PKN3: variants seen among roughly 807,000 people sequenced by gnomAD.
PKN3 encodes the protein serine/threonine-protein kinase N3.
A neutral mutation model predicts 113.1 loss-of-function variants in PKN3; 91 were observed. The observed-to-expected ratio is 0.80, with a 90% CI of 0.68 to 0.96. The LOEUF (loss-of-function observed/expected upper bound fraction) is 0.96, where lower values mean the gene tolerates loss of function less well. Ranked by LOEUF, PKN3 falls within the 40% of genes least tolerant of loss-of-function variation. The pLI is 0.00. For missense variants in PKN3, 1,052 were observed against 1,202.2 expected (o/e 0.88, Z 1.85); for synonymous variants, 467 against 499.0 (o/e 0.94, Z 0.85).
rs547886637 is a variant in PKN3 at position 128,707,838 on chromosome 9, T to C, written c.835+433T>C. Among the ~76,000 whole-genome samples, 4 of 152,206 alleles carry C rather than the reference T, an allele frequency of 2.6e-5. No individual in the cohort carries two copies. In the East Asian group the frequency reaches 7.7e-4, roughly 29 times the overall value. On this transcript the variant is annotated intron_variant, in intron 6 of 21. Transcript: ENST00000291906. ...TGGTAATTCCAGCACTTTGGGAGGC[T>C]GAGGTGGGTGGATCATGAGGTCAGG...
At position 128,714,581 on chromosome 9, in the gene PKN3, ACC is replaced by A; in HGVS notation, c.1505_1506del (p.Pro502LeufsTer3). ...CTACAGTAATTTCCTGCCCAAGAAG[ACC>A]CCCTTGGGTGAAGAGATGACACCCC... Reference protein sequence around the residue: ...ATPSNFLPKKTPLGEEMTPPP... With the variant: ...ATPSNFLPKKXPLGEEMTPPP... On this transcript the variant is annotated frameshift_variant, in exon 12 of 22. Transcript: ENST00000291906. LOFTEE classifies it high-confidence loss of function. 8.0e-7 allele frequency: 1 copy of A among 1,252,816 alleles called. No individual in the cohort carries two copies. Among genetic ancestry groups the A allele is most frequent in the Non-Finnish European group, 1.2e-6 (1 of 850,482 alleles). 77.6% of individuals were successfully genotyped at this position (1,252,816 alleles called of 1,614,324 possible).
chr9:128,704,485 G>C (rs1861949480), intron 1 of PKN3, among the ~76,000 whole-genome samples: 1 of 152,134 alleles, frequency 6.6e-6, no homozygotes, highest in Non-Finnish European at 1.5e-5. Flanking sequence ...CTCTACTTTG[G>C]GTCCCAGATG....
chr9:128,712,293 A>G (rs1862204107), intron 6 of PKN3, among the ~76,000 whole-genome samples: 1 of 152,182 alleles, frequency 6.6e-6, no homozygotes, highest in Non-Finnish European at 1.5e-5. Flanking sequence ...CCCCAGGCCC[A>G]GACTCTCCCT....
intron 6 of PKN3, among the ~76,000 whole-genome samples, chr9:128,711,113 C>T (rs1242924401): frequency 2.6e-5 from 4 of 151,986 alleles, no homozygotes; most frequent in Admixed American, 2.0e-4. Context: ...TCAAGCAATT[C>T]TCCTGCCTCA....
intron 15 of PKN3, among the ~76,000 whole-genome samples, chr9:128,716,314 AAG>A (rs1862336706): frequency 6.7e-6 from 1 of 148,926 alleles, no homozygotes; most frequent in Non-Finnish European, 1.5e-5. Context: ...AAAAAAAAAA[AAG>A]GCTGGGCGCA....
chr9:128,708,426 A>C (rs563850138), intron 6 of PKN3, among the ~76,000 whole-genome samples: 1 of 152,050 alleles, frequency 6.6e-6, no homozygotes, highest in African/African-American at 2.4e-5. Flanking sequence ...TAATAAAATT[A>C]AACTAAAATT....
Position 128,709,290 on chromosome 9 carries a change from AAAT to A in PKN3, c.835+1888_835+1890del, listed in dbSNP as rs1306882662. ...CACAGCGAGACTCTGTCTCAAAAAA[AAAT>A]AAAAAAATAAAAAAATTAGCCAGGT... is the stretch of plus-strand genomic sequence containing the variant. On this transcript the variant is annotated intron_variant, in intron 6 of 21. Coordinates refer to ENST00000291906, the MANE Select transcript of PKN3 (RefSeq NM_013355.5). Among the ~76,000 whole-genome samples the A allele has an allele frequency of 4.0e-5, 2 of 50,158 alleles. 1 individual carries two copies. Among genetic ancestry groups the A allele is most frequent in the Non-Finnish European group, 1.5e-4 (2 of 13,604 alleles). 32.9% of individuals were successfully genotyped at this position (50,158 alleles called of 152,430 possible).
Position 128,705,851 on chromosome 9 carries a change from C to T in PKN3, c.383C>T (p.Thr128Ile). The change falls in exon 3 of 22, where the codon ACC becomes ATC. Residue 128 changes from threonine (T) to isoleucine (I), a missense_variant. Around this residue, in one of 2 missense-constraint regions of PKN3, gnomAD observed 719 missense variants for 759.4 expected, o/e 0.95. Coordinates refer to ENST00000291906, the MANE Select transcript of PKN3 (RefSeq NM_013355.5). ...GTGAAGCAGGGGGCTGAGAACATGA[C>T]CCACACGTGCGCCAGTGGCACCCCC... ...LKVKQGAENMTHTCASGTPKE... is the reference protein window; with the variant it reads ...LKVKQGAENMIHTCASGTPKE... 8.1e-6 allele frequency: 13 copies of T among 1,602,670 alleles called. No individual in the cohort carries two copies. The highest frequency in any genetic ancestry group is 1.1e-5 in the Non-Finnish European group (13 of 1,172,870).
intron 2 of PKN3, 25 bp downstream of exon 2, chr9:128,705,568 C>G (rs1479033608): frequency 1.3e-6 from 2 of 1,551,630 alleles, no homozygotes; most frequent in Non-Finnish European, 1.7e-6. Flanking sequence ...GAGACCCCCT[C>G]AGGACAGAAG....
intron 6 of PKN3, 109 bp from the exon 7 acceptor site, chr9:128,712,943 G>A: frequency 4.1e-6 from 5 of 1,224,914 alleles, no homozygotes; most frequent in Non-Finnish European, 5.7e-6. Context: ...GTACGGTCTG[G>A]GTTCAGCCAC....
intron 6 of PKN3, among the ~76,000 whole-genome samples, chr9:128,708,926 T>C (rs1862099031): frequency 6.6e-6 from 1 of 151,374 alleles, no homozygotes; most frequent in African/African-American, 2.4e-5. Flanking sequence ...GTGAGGCATG[T>C]GGATCACTTG....
Position 128,705,841 on chromosome 9 carries a change from G to C in PKN3, c.373G>C (p.Glu125Gln). ...GGAGCTGAAGGTGAAGCAGGGGGCT[G>C]AGAACATGACCCACACGTGCGCCAG... ...HVELKVKQGA[E>Q]NMTHTCASGT... is the part of the protein sequence containing the mutation. The change falls in exon 3 of 22, where the codon GAG (glutamate) becomes CAG (glutamine). Residue 125 changes from glutamate (E) to glutamine (Q), a missense_variant. By Grantham distance (29) the Glu-to-Gln change is conservative. This residue lies in a region of PKN3 where 719 missense variants were observed against 759.4 expected (regional missense o/e 0.95). Transcript: ENST00000291906. 6.2e-7 allele frequency: 1 copy of C among 1,608,760 alleles called. No individual in the cohort carries two copies. Among genetic ancestry groups the C allele is most frequent in the Non-Finnish European group, 8.5e-7 (1 of 1,177,480 alleles).
At chr9:128,704,188 A>T (rs1402872288) in intron 1 of PKN3, 4 of 976,686 alleles carry the variant, frequency 4.1e-6, no homozygotes, top group Non-Finnish European at 4.9e-6. Flanking sequence ...ACCCGGCCTG[A>T]GGTCACCTTT....
chr9:128,718,479 T>G, intron 17 of PKN3, 70 bp from the exon 18 acceptor site: 1 of 1,584,128 alleles, frequency 6.3e-7, no homozygotes. Flanking sequence ...CCTGGGCTGC[T>G]CCAGGGGCCG....
chr9:128,718,331 C>T lies in PKN3; in HGVS notation c.1992C>T (p.Tyr664=), dbSNP rs774272270. The part of the protein sequence containing the change: ...DVFPEPQARF[Y]VACVVLGLQF... The stretch of plus-strand genomic sequence containing the variant: ...CCCATAACCACCCCTGCAGCTTCTA[C>T]GTGGCTTGTGTTGTCCTGGGGCTGC... Residue 664 remains tyrosine, a synonymous_variant, in exon 17 of 22, where the codon TAC becomes TAT. Coordinates refer to ENST00000291906, the MANE Select transcript of PKN3 (RefSeq NM_013355.5). 12 of 1,587,616 alleles carry T rather than the reference C, an allele frequency of 7.6e-6. No individual in the cohort carries two copies. In the East Asian group the frequency reaches 9.3e-5, roughly 12 times the overall value.
rs769575964 is a variant in PKN3 at position 128,720,450 on chromosome 9, C to T, written c.2514C>T (p.Thr838=). Residue 838 remains threonine, a synonymous_variant, in exon 22 of 22, where the codon ACC becomes ACT. Coordinates refer to ENST00000291906, the MANE Select transcript of PKN3 (RefSeq NM_013355.5). The surrounding 1 kb of genome is among the most constrained non-coding windows in gnomAD (Gnocchi z 5.5). ...ARTIQPPFVP[T]LCGPADLRYF... Reference sequence around the variant, plus strand: ...CCATCCAGCCCCCCTTCGTGCCTACCCTGTGTGGCCCTGCGGACCTGCGCT... The same window carrying T: ...CCATCCAGCCCCCCTTCGTGCCTACTCTGTGTGGCCCTGCGGACCTGCGCT... The T allele has an allele frequency of 1.2e-6, 2 of 1,613,242 alleles. No individual in the cohort carries two copies. Among genetic ancestry groups the T allele is most frequent in the South Asian group, 1.1e-5 (1 of 91,076 alleles).
chr9:128,705,916 C>T (rs762127687), intron 3 of PKN3, 37 bp downstream of exon 3: 5 of 1,532,202 alleles, frequency 3.3e-6, no homozygotes, highest in Middle Eastern at 3.5e-4. Flanking sequence ...AGCACCCTGG[C>T]CCCTGGTCTG....
At chr9:128,707,491 G>C in intron 6 of PKN3, 86 bp downstream of exon 6, 1 of 1,162,606 alleles carries the variant, frequency 8.6e-7, no homozygotes, top group Non-Finnish European at 1.2e-6. Context: ...AAGAGTTCAA[G>C]AGTTCCAGTC....
chr9:128,719,873 G>GGGGC, intron 19 of PKN3, 37 bp from the exon 20 acceptor site: 1 of 1,570,398 alleles, frequency 6.4e-7, no homozygotes, highest in Non-Finnish European at 8.8e-7. Flanking sequence ...TGGGGGTGGG[G>GGGGC]TGGCCCGTGC....
Sources: gnomAD v4.1 joint callset for allele counts (sites outside exome capture counted in the v4.1 genomes callset) on GRCh38, gnomAD v4.1.1 for gene constraint, gnomAD v4.1.1 regional missense constraint, Gnocchi (gnomAD v3.1) non-coding constraint, MANE v1.5 for transcripts, NCBI Gene and HGNC (gene_info 2026-07-23, HGNC 2026-07-21) for gene names.